Variants in PIK3C2G observed in about 807,000 individuals in gnomAD.
PIK3C2G encodes phosphatidylinositol-4-phosphate 3-kinase catalytic subunit type 2 gamma.
A neutral mutation model predicts 181.1 loss-of-function variants in PIK3C2G; 168 were observed. The observed-to-expected ratio is 0.93, with a 90% CI of 0.82 to 1.05. The LOEUF (loss-of-function observed/expected upper bound fraction) is 1.05. Ranked by LOEUF, PIK3C2G falls within the 50% of genes least tolerant of loss-of-function variation. PIK3C2G has a pLI of 0.00. For synonymous variants in PIK3C2G, 573 were observed against 592.2 expected, an observed-to-expected ratio of 0.97 and a Z score of 0.47; for missense variants, 1,869 against 1,732.8, an observed-to-expected ratio of 1.08 and a Z score of -1.40.
At chr12:18,400,835 T>G (rs1300692541) in intron 16 of PIK3C2G, among the ~76,000 whole-genome samples, 1 of 152,102 alleles carries the variant, frequency 6.6e-6, no homozygotes, top group East Asian at 1.9e-4. Context: ...TTCCATTAAC[T>G]GATGTGTGCT....
chr12:18,503,674 A>G lies in PIK3C2G; in HGVS notation c.3153+257A>G, dbSNP rs565031408. The stretch of plus-strand genomic sequence containing the variant: ...TTGCTCAGCTGCCATCCTGACATCA[A>G]TCTTACACCAGAAACAATAACCCTT... On this transcript the variant is annotated intron_variant, in intron 23 of 32. Transcript: ENST00000538779. 1.8e-4 allele frequency among the ~76,000 whole-genome samples: 27 copies of G among 152,260 alleles called. No individual in the cohort carries two copies. The South Asian group carries it at 4.8e-3, about 27-fold the overall frequency.
At chr12:18,549,107 T>G (rs1335259275) in intron 26 of PIK3C2G, among the ~76,000 whole-genome samples, 1 of 152,070 alleles carries the variant, frequency 6.6e-6, no homozygotes, top group East Asian at 1.9e-4. Context: ...TAGTACCTCA[T>G]CCATGAAACC....
At chr12:18,621,966 T>C (rs1260055185) in intron 31 of PIK3C2G, among the ~76,000 whole-genome samples, 3 of 151,834 alleles carry the variant, frequency 2.0e-5, no homozygotes, top group African/African-American at 4.8e-5. Context: ...ATGGGGGACA[T>C]AAATACAAAA....
chr12:18,267,426 T>C (rs1430370087), intron 1 of PIK3C2G, among the ~76,000 whole-genome samples: 3 of 152,214 alleles, frequency 2.0e-5, no homozygotes, highest in African/African-American at 7.2e-5. Context: ...ATAGCATATA[T>C]TTTTCAGAAG....
chr12:18,585,415 T>G (rs1349739768), intron 29 of PIK3C2G, among the ~76,000 whole-genome samples: 1 of 148,742 alleles, frequency 6.7e-6, no homozygotes, highest in East Asian at 2.0e-4. Context: ...AAACAGACAT[T>G]AAACCAACAA....
chr12:18,599,382 G>A (rs1168148764), intron 30 of PIK3C2G, among the ~76,000 whole-genome samples: 2 of 151,880 alleles, frequency 1.3e-5, no homozygotes, highest in Non-Finnish European at 2.9e-5. Context: ...ATCATTCTCA[G>A]TAAACTATCG....
chr12:18,617,180 A>T (rs2136643325), intron 31 of PIK3C2G, among the ~76,000 whole-genome samples: 1 of 152,164 alleles, frequency 6.6e-6, no homozygotes, highest in Admixed American at 6.6e-5. Flanking sequence ...CTGACCACCT[A>T]TCTCAGTTAT....
intron 31 of PIK3C2G, among the ~76,000 whole-genome samples, chr12:18,633,734 G>A (rs533961999): frequency 6.6e-6 from 1 of 152,206 alleles, no homozygotes; most frequent in African/African-American, 2.4e-5. Context: ...TTTTTGCCTG[G>A]TGGTTCAGAG....
intron 1 of PIK3C2G, among the ~76,000 whole-genome samples, chr12:18,248,576 AAACAAC>A (rs139110088): frequency 2.0e-3 from 301 of 151,406 alleles, no homozygotes; most frequent in African/African-American, 5.3e-3. Flanking sequence ...ATCTCAAACA[AAACAAC>A]AACAACAACA....
At chr12:18,651,412 T>C (rs1950512787), downstream of PIK3C2G, among the ~76,000 whole-genome samples, 1 of 152,178 alleles carries the variant, frequency 6.6e-6, no homozygotes, top group African/African-American at 2.4e-5. Context: ...ACTTATCATC[T>C]TTGAATATTT....
chr12:18,326,276 C>T (rs1195968340), intron 8 of PIK3C2G, among the ~76,000 whole-genome samples: 1 of 152,152 alleles, frequency 6.6e-6, no homozygotes, highest in African/African-American at 2.4e-5. Context: ...TTATTTCTTA[C>T]AGCTTCTTCT....
chr12:18,357,628 A>G (rs528443011), intron 11 of PIK3C2G, among the ~76,000 whole-genome samples: 8 of 152,168 alleles, frequency 5.3e-5, no homozygotes, highest in African/African-American at 7.2e-5. Flanking sequence ...TTCTTTTTCA[A>G]TCTTTTAAAA....
chr12:18,712,447 A>G, the PIK3C2G span, among the ~76,000 whole-genome samples: 1 of 152,208 alleles, frequency 6.6e-6, no homozygotes. Flanking sequence ...AAATGTCAGC[A>G]ATTGAAATGA....
chr12:18,309,389 T>C (rs1406305110), intron 5 of PIK3C2G, among the ~76,000 whole-genome samples: 1 of 150,528 alleles, frequency 6.6e-6, no homozygotes, highest in South Asian at 2.1e-4. Flanking sequence ...AGCAAGCTCA[T>C]AGTGGAAAAT....
chr12:18,678,569 A>AT, the PIK3C2G span, among the ~76,000 whole-genome samples: 8 of 151,906 alleles, frequency 5.3e-5, no homozygotes, highest in Non-Finnish European at 1.5e-5. Flanking sequence ...TTTAATTTGC[A>AT]TTTTTTGTTC....
chr12:18,408,463 A>T (rs4439570), intron 16 of PIK3C2G, among the ~76,000 whole-genome samples: 16,893 of 152,060 alleles, frequency 0.11, 1,292 homozygotes, highest in Admixed American at 0.27. Flanking sequence ...TTTATTATGG[A>T]AGCCTTGTAG....
chr12:18,723,540 G>A, the PIK3C2G span: 1 of 1,609,682 alleles, frequency 6.2e-7, no homozygotes, highest in Non-Finnish European at 8.5e-7. Context: ...GCCTGTCATT[G>A]TCCTACTAAA....
At chr12:18,513,871 A>G (rs1942367192) in intron 24 of PIK3C2G, among the ~76,000 whole-genome samples, 1 of 150,904 alleles carries the variant, frequency 6.6e-6, no homozygotes, top group Non-Finnish European at 1.5e-5. Flanking sequence ...GGTCTTTGTT[A>G]TTTCCTTTCA....
chr12:18,645,816 T>A (rs1274098003), intron 32 of PIK3C2G, among the ~76,000 whole-genome samples: 1 of 152,194 alleles, frequency 6.6e-6, no homozygotes, highest in African/African-American at 2.4e-5. Context: ...ATATGTTTTT[T>A]AAAAACTTAC....
Sources: gnomAD v4.1 joint callset for allele counts (sites outside exome capture counted in the v4.1 genomes callset) on GRCh38, gnomAD v4.1.1 for gene constraint, MANE v1.5 for transcripts, NCBI Gene and HGNC (gene_info 2026-07-23, HGNC 2026-07-21) for gene names.